Variants in MAP4K4 observed in about 807,000 individuals in gnomAD.
The protein encoded by MAP4K4 is HPK/GCK-like kinase HGK.
MAP4K4 carries 38 observed loss-of-function variants against 189.6 expected under a neutral mutation model. The observed-to-expected ratio is 0.20, with a 90% CI of 0.15 to 0.26. The LOEUF (loss-of-function observed/expected upper bound fraction) is 0.26, where lower values mean the gene tolerates loss of function less well. Among genes scored for constraint, MAP4K4 ranks in the 10% least tolerant of loss-of-function variants. The pLI, the probability that MAP4K4 is intolerant of heterozygous loss-of-function variation, is 1.00. For missense variants in MAP4K4, 1,054 were observed against 1,726.9 expected, an observed-to-expected ratio of 0.61 and a Z score of 6.91; for synonymous variants, 610 against 624.3, an observed-to-expected ratio of 0.98 and a Z score of 0.34.
At chr2:101,887,686 C>A in intron 30 of MAP4K4, 92 bp from the exon 31 acceptor site, 2 of 854,556 alleles carry the variant, frequency 2.3e-6, no homozygotes, top group African/African-American at 3.4e-5. Flanking sequence ...AGATATGGTA[C>A]CAGTGCATTC....
chr2:101,825,301 G>A lies in MAP4K4; in HGVS notation c.307-18G>A, dbSNP rs1209523612. On this transcript the variant is annotated intron_variant, in intron 4 of 32. Coordinates refer to ENST00000324219, the Ensembl canonical transcript of MAP4K4. ...CTCCAAGATATGTTGCTCACCTTGT[G>A]TCTTGTCTGCCCTATAGCTTGTTAT... is the stretch of plus-strand genomic sequence containing the variant. 1 of 1,528,834 alleles carries A rather than the reference G, an allele frequency of 6.5e-7. No homozygotes were observed. The highest frequency in any genetic ancestry group is 9.0e-7 in the Non-Finnish European group (1 of 1,110,578). The allele number at this position is 1,528,834 out of a possible 1,614,324, so 94.7% of individuals were successfully genotyped here.
chr2:101,737,447 ATATATATATATATATTTTTTTTT>A (rs1310600395), intron 2 of MAP4K4, among the ~76,000 whole-genome samples: 8 of 33,484 alleles, frequency 2.4e-4, no homozygotes, highest in African/African-American at 1.3e-3. Context: ...ATATATATAT[ATATATATATATATATTTTTTTTT>A]TTTTTTTTTT....
At chr2:101,846,412 G>T (rs952902902) in intron 12 of MAP4K4, among the ~76,000 whole-genome samples, 2 of 152,096 alleles carry the variant, frequency 1.3e-5, no homozygotes, top group African/African-American at 4.8e-5. Context: ...AGACTACTTT[G>T]GTGGTTTATA....
At chr2:101,790,410 A>T (rs1180802853) in intron 2 of MAP4K4, among the ~76,000 whole-genome samples, 4 of 151,916 alleles carry the variant, frequency 2.6e-5, no homozygotes, top group Non-Finnish European at 5.9e-5. Context: ...TATAAAGAAA[A>T]AGTTAAATCC....
At chr2:101,831,785 T>C in exon 7 of MAP4K4, 2 of 1,610,776 alleles carry the variant, frequency 1.2e-6, no homozygotes, top group Non-Finnish European at 1.7e-6. Context: ...TCATAGGCAC[T>C]CCCTACTGGA....
chr2:101,722,382 G>A lies in MAP4K4; in HGVS notation c.123+23844G>A, dbSNP rs181776351. Among the ~76,000 whole-genome samples, 23 of 152,276 alleles carry A rather than the reference G, an allele frequency of 1.5e-4. No individual in the cohort carries two copies. In the East Asian group the frequency reaches 4.2e-3, roughly 28 times the overall value. Reference sequence around the variant, plus strand: ...ATGAAGGGTGAATTTGAAAGTTTTTGTGAATTTTTCTCTCGTTTTGTTTCT... The same window carrying A: ...ATGAAGGGTGAATTTGAAAGTTTTTATGAATTTTTCTCTCGTTTTGTTTCT... On this transcript the variant is annotated intron_variant, in intron 2 of 32. Transcript: ENST00000324219.
At position 101,876,986 on chromosome 2, in the gene MAP4K4, C is replaced by T. The variant is rs1183269296; in HGVS notation, c.3242-17C>T. On this transcript the variant is annotated splice_polypyrimidine_tract_variant and intron_variant, in intron 26 of 32. Transcript: ENST00000324219. ...AGCACAGCATAAAATTGAGGCCTTT[C>T]TGTGTCCCTGAAACAGGAGTGAATT... 6.2e-7 allele frequency: 1 copy of T among 1,613,592 alleles called. No homozygotes were observed. Among genetic ancestry groups the T allele is most frequent in the African/African-American group, 1.3e-5 (1 of 75,024 alleles).
intron 4 of MAP4K4, 21 bp from the exon 5 acceptor site, chr2:101,825,298 T>C: frequency 6.7e-7 from 1 of 1,498,048 alleles, no homozygotes; most frequent in Non-Finnish European, 9.2e-7. Flanking sequence ...TTGCTCACCT[T>C]GTGTCTTGTC....
At chr2:101,836,834 A>AG (rs2096771445) in intron 9 of MAP4K4, among the ~76,000 whole-genome samples, 1 of 152,138 alleles carries the variant, frequency 6.6e-6, no homozygotes, top group Non-Finnish European at 1.5e-5. Flanking sequence ...GCAGAGAGAG[A>AG]GGAGGATGAC....
intron 2 of MAP4K4, among the ~76,000 whole-genome samples, chr2:101,761,602 G>A (rs1320229562): frequency 1.3e-5 from 2 of 149,076 alleles, no homozygotes; most frequent in African/African-American, 5.0e-5. Context: ...TCTTGTTGCC[G>A]GGCTGGAGTG....
intron 2 of MAP4K4, among the ~76,000 whole-genome samples, chr2:101,774,841 G>A (rs1052636561): frequency 6.6e-6 from 1 of 152,078 alleles, no homozygotes; most frequent in Non-Finnish European, 1.5e-5. Flanking sequence ...TCTTAGTGCT[G>A]AAGAGACTTG....
chr2:101,756,729 A>AT (rs34314872), intron 2 of MAP4K4, among the ~76,000 whole-genome samples: 39,046 of 124,962 alleles, frequency 0.31, 6,245 homozygotes, highest in East Asian at 0.5. Context: ...TAATTTTTGT[A>AT]TTTTTTTTTT....
chr2:101,874,557 A>G (rs2098142123), intron 26 of MAP4K4, among the ~76,000 whole-genome samples: 1 of 152,172 alleles, frequency 6.6e-6, no homozygotes, highest in African/African-American at 2.4e-5. Flanking sequence ...TTTTTAGTGT[A>G]ACCATCAGCC....
At chr2:101,871,428 A>G in intron 23 of MAP4K4, 66 bp from the exon 24 acceptor site, 1 of 1,312,696 alleles carries the variant, frequency 7.6e-7, no homozygotes, top group Non-Finnish European at 1.0e-6. Flanking sequence ...TAAAGCAGTT[A>G]TCAATAGGGC....
chr2:101,870,180 G>A (rs1049927549), intron 22 of MAP4K4, 115 bp from the exon 23 acceptor site: 10 of 1,068,742 alleles, frequency 9.4e-6, no homozygotes, highest in Middle Eastern at 4.7e-4. Flanking sequence ...TTTGGAGGAG[G>A]CTTTATATCG....
chr2:101,738,216 A>G (rs1021606784), intron 2 of MAP4K4, among the ~76,000 whole-genome samples: 2 of 152,160 alleles, frequency 1.3e-5, no homozygotes, highest in Non-Finnish European at 2.9e-5. Flanking sequence ...AAAGACTGGG[A>G]TATTTCCAAC....
intron 21 of MAP4K4, 142 bp downstream of exon 21, chr2:101,868,179 C>G: frequency 3.5e-6 from 3 of 868,192 alleles, no homozygotes; most frequent in Non-Finnish European, 5.5e-6. Context: ...TCAAACTTTA[C>G]TCCAGTTTTC....
At chr2:101,887,542 G>A (rs1475895403) in intron 30 of MAP4K4, among the ~76,000 whole-genome samples, 1 of 152,182 alleles carries the variant, frequency 6.6e-6, no homozygotes. Flanking sequence ...CTCAATTGGA[G>A]CCCAGCATCC....
intron 10 of MAP4K4, among the ~76,000 whole-genome samples, chr2:101,842,361 C>T (rs991946671): frequency 1.3e-5 from 2 of 152,160 alleles, no homozygotes; most frequent in African/African-American, 4.8e-5. Flanking sequence ...GCAGTACATC[C>T]CCATACAAGG....
Sources: gnomAD v4.1 joint callset for allele counts (sites outside exome capture counted in the v4.1 genomes callset) on GRCh38, gnomAD v4.1.1 for gene constraint, MANE v1.5 for transcripts, NCBI Gene and HGNC (gene_info 2026-07-23, HGNC 2026-07-21) for gene names.